RNF212B: variants seen among roughly 807,000 people sequenced by gnomAD.
RNF212B encodes E3 ubiquitin-protein ligase RNF212B.
Under a neutral mutation model 55.5 loss-of-function variants are expected in RNF212B, and 52 were observed. That is an observed-to-expected ratio of 0.94 (90% CI 0.75 to 1.18). The LOEUF is 1.18. Ranked by LOEUF, RNF212B falls within the 50% of genes most tolerant of loss-of-function variation. The pLI is 0.00. For missense variants in RNF212B, 289 were observed against 350.4 expected (o/e 0.82, Z 1.40); for synonymous variants, 99 against 121.4 (o/e 0.82, Z 1.21).
upstream of RNF212B, among the ~76,000 whole-genome samples, chr14:23,233,482 T>G (rs1245642857): frequency 2.0e-5 from 3 of 149,966 alleles, no homozygotes; most frequent in Non-Finnish European, 4.4e-5. Flanking sequence ...TCCCAGTACT[T>G]TAGGAGGCTG....
rs138602611 is a variant in RNF212B at position 23,204,848 on chromosome 14, T to C, written c.-2+11447T>C. On this transcript the variant is annotated intron_variant, in intron 2 of 15. Coordinates refer to the RNF212B transcript ENST00000399910. ...TCACAATATTGATTCTACCCATCCA[T>C]GAGCATGGGGTATATTTTCATTTGT... Among the ~76,000 whole-genome samples the C allele has an allele frequency of 8.4e-3, 1,277 of 152,304 alleles. 15 individuals carry two copies. Among genetic ancestry groups the C allele is most frequent in the African/African-American group, 0.029 (1,211 of 41,560 alleles).
At chr14:23,260,992 A>C (rs1885254799) in intron 7 of RNF212B, among the ~76,000 whole-genome samples, 1 of 152,126 alleles carries the variant, frequency 6.6e-6, no homozygotes, top group East Asian at 1.9e-4. Context: ...GAAAGGGTAC[A>C]CTCGCCGGCA....
At chr14:23,236,551 C>G (rs35253799), upstream of RNF212B, among the ~76,000 whole-genome samples, 2 of 151,864 alleles carry the variant, frequency 1.3e-5, no homozygotes, top group African/African-American at 4.8e-5. Flanking sequence ...AGCAAAAAAA[C>G]CCCAAACAAC....
At position 23,229,166 on chromosome 14, in the gene RNF212B, A is replaced by G. The variant is rs188565348; in HGVS notation, c.-1-11179A>G. ...ACTTAGCATAATTTTTTCAAGATTC[A>G]TCCATGTTGTAGCATGTATCAAAAC... On this transcript the variant is annotated intron_variant, in intron 2 of 15. Coordinates refer to the RNF212B transcript ENST00000399910. Among the ~76,000 whole-genome samples the G allele has an allele frequency of 2.6e-3, 372 of 144,364 alleles. 2 individuals carry two copies. The highest frequency in any genetic ancestry group is 8.9e-3 in the African/African-American group (354 of 39,888). The allele number at this position is 144,364 out of a possible 152,430, so 94.7% of individuals were successfully genotyped here.
In RNF212B at chr14:23,244,013, G is replaced by T. The variant is rs558847955; in HGVS notation, c.154-309G>T. Among the ~76,000 whole-genome samples the T allele has an allele frequency of 3.2e-4, 48 of 151,958 alleles. 1 individual carries two copies. Among genetic ancestry groups the T allele is most frequent in the Admixed American group, 2.9e-3 (44 of 15,266 alleles). On this transcript the variant is annotated intron_variant, in intron 3 of 14. Coordinates refer to ENST00000430154, the MANE Select transcript of RNF212B (RefSeq NM_001282322.3). ...GAATCACTTGAACCCAAAAGGCGAGGGTTGCAATGAGCCTAGATCACACCA... is the reference window on the plus strand; with the variant it reads ...GAATCACTTGAACCCAAAAGGCGAGTGTTGCAATGAGCCTAGATCACACCA...
At chr14:23,205,083 A>G (rs191049317) in intron 2 of RNF212B, among the ~76,000 whole-genome samples, 2 of 152,252 alleles carry the variant, frequency 1.3e-5, no homozygotes, top group East Asian at 3.9e-4. Flanking sequence ...TTCTTAATCA[A>G]CCAGTCATTT....
At chr14:23,192,302 ATAGAC>A (rs1387329668) in intron 1 of RNF212B, among the ~76,000 whole-genome samples, 2 of 152,208 alleles carry the variant, frequency 1.3e-5, no homozygotes, top group Non-Finnish European at 2.9e-5. Context: ...TTCATCAATG[ATAGAC>A]TGGATTAAGA....
At chr14:23,233,269 C>A (rs1258747877), upstream of RNF212B, among the ~76,000 whole-genome samples, 1 of 152,108 alleles carries the variant, frequency 6.6e-6, no homozygotes, top group Non-Finnish European at 1.5e-5. Context: ...ACAAACACTG[C>A]GGAAGGCCGC....
chr14:23,233,157 T>C (rs1030871828), upstream of RNF212B, among the ~76,000 whole-genome samples: 1 of 152,216 alleles, frequency 6.6e-6, no homozygotes, highest in Non-Finnish European at 1.5e-5. Flanking sequence ...CGGGGTTAAA[T>C]GGATTAAGGG....
upstream of RNF212B, among the ~76,000 whole-genome samples, chr14:23,236,398 C>T (rs953388294): frequency 6.6e-6 from 1 of 151,966 alleles, no homozygotes; most frequent in African/African-American, 2.4e-5. Flanking sequence ...GCCTGTAATC[C>T]CAGCTACTCA....
chr14:23,219,337 C>T (rs1881358302), intron 2 of RNF212B, among the ~76,000 whole-genome samples: 1 of 152,064 alleles, frequency 6.6e-6, no homozygotes, highest in Non-Finnish European at 1.5e-5. Flanking sequence ...AATAGAAAGA[C>T]TAAATGATGA....
upstream of RNF212B, among the ~76,000 whole-genome samples, chr14:23,236,002 A>G (rs1359337360): frequency 1.3e-5 from 2 of 152,228 alleles, no homozygotes; most frequent in Non-Finnish European, 2.9e-5. Context: ...AGGCCATTTA[A>G]ATACCATTCT....
chr14:23,273,025 C>G lies in RNF212B; in HGVS notation c.*134C>G, dbSNP rs960205863. 5.4e-6 allele frequency: 3 copies of G among 551,840 alleles called. No individual in the cohort carries two copies. The Admixed American group carries it at 1.1e-4, about 20-fold the overall frequency. 34.2% of individuals were successfully genotyped at this position (551,840 alleles called of 1,614,324 possible). The stretch of plus-strand genomic sequence containing the variant: ...TTTCACTCTGTACCTTATGCTCCCC[C>G]CATCTTTACCCTATTCACCCTTATC... On this transcript the variant is annotated 3_prime_UTR_variant, in exon 15 of 15. Coordinates refer to ENST00000430154, the MANE Select transcript of RNF212B (RefSeq NM_001282322.3).
intron 2 of RNF212B, among the ~76,000 whole-genome samples, chr14:23,207,923 A>C (rs1384123414): frequency 6.6e-6 from 1 of 152,206 alleles, no homozygotes; most frequent in Non-Finnish European, 1.5e-5. Flanking sequence ...GGCAGACTCT[A>C]AGCGGAGAGG....
At chr14:23,226,700 C>T (rs1882054040) in intron 2 of RNF212B, among the ~76,000 whole-genome samples, 1 of 151,954 alleles carries the variant, frequency 6.6e-6, no homozygotes, top group South Asian at 2.1e-4. Context: ...CACAAGGCAT[C>T]TTCGTGGTGC....
intron 7 of RNF212B, among the ~76,000 whole-genome samples, chr14:23,261,525 A>G (rs1417567537): frequency 6.6e-6 from 1 of 152,206 alleles, no homozygotes; most frequent in Non-Finnish European, 1.5e-5. Flanking sequence ...CTCTGTGAAG[A>G]CTGCATTAGG....
chr14:23,215,295 A>T (rs1880957039), intron 2 of RNF212B, among the ~76,000 whole-genome samples: 1 of 152,172 alleles, frequency 6.6e-6, no homozygotes. Flanking sequence ...ACTGTGAGTC[A>T]ATTAAATCTC....
intron 10 of RNF212B, 134 bp from the exon 11 acceptor site, chr14:23,264,489 A>C: frequency 1.4e-6 from 1 of 726,688 alleles, no homozygotes; most frequent in Non-Finnish European, 2.2e-6. Context: ...TAAAGTATGG[A>C]TCTTTCTTTG....
intron 4 of RNF212B, among the ~76,000 whole-genome samples, chr14:23,253,635 C>A (rs1019841910): frequency 6.6e-6 from 1 of 152,084 alleles, no homozygotes; most frequent in Non-Finnish European, 1.5e-5. Context: ...CATTGATGAA[C>A]TTTGCAGAGA....
Sources: allele counts gnomAD v4.1 joint callset (sites outside exome capture counted in the v4.1 genomes callset), GRCh38; gene constraint gnomAD v4.1.1; transcripts MANE v1.5; gene names NCBI Gene and HGNC (gene_info 2026-07-23, HGNC 2026-07-21).